The following RAP2C variants were observed in gnomAD, a reference collection of about 807,000 sequenced individuals.
RAP2C encodes RAP2C, member of RAS oncogene family.
In RAP2C, 3 loss-of-function variants were observed where a neutral mutation model predicts 8.9. The ratio of observed to expected loss-of-function variants is 0.34; its 90% CI spans 0.15 to 0.87. The LOEUF is 0.87. Among genes scored for constraint, RAP2C ranks in the 40% least tolerant of loss-of-function variants. The pLI, the probability that RAP2C is intolerant of heterozygous loss-of-function variation, is 0.51. For synonymous variants in RAP2C, 60 were observed against 52.1 expected (o/e 1.15, Z -0.65); for missense variants, 76 against 133.7 (o/e 0.57, Z 2.13).
rs1222444051 is a variant in RAP2C, at chrX:132,205,392, G to T, written c.*230C>A. On this transcript the variant is annotated 3_prime_UTR_variant, in exon 6 of 6. Transcript: ENST00000370874. ...TAAAAGGACTGATTGATAAAGAATGGATTTTAAACGTATGGTAAACGTGCT... is the reference window on the plus strand; with the variant it reads ...TAAAAGGACTGATTGATAAAGAATGTATTTTAAACGTATGGTAAACGTGCT... 8.9e-6 allele frequency: 1 copy of T among 112,154 alleles called. No homozygotes were observed. The allele number at this position is 112,154 out of a possible 1,213,427, so 9.2% of individuals were successfully genotyped here.
Position 132,207,788 on chromosome X carries a change from C to G in RAP2C, c.*35-2201G>C, listed in dbSNP as rs183733745. Among the ~76,000 whole-genome samples the G allele has an allele frequency of 1.5e-3, 167 of 111,394 alleles. 2 individuals are homozygous for G. The Middle Eastern group carries it at 0.037, about 25-fold the overall frequency. Reference sequence around the variant, plus strand: ...AAGGTTTAAAAGCAGCTGGTCAAATCAGTACTTTTTAACTTGCAGGATATC... The same window carrying G: ...AAGGTTTAAAAGCAGCTGGTCAAATGAGTACTTTTTAACTTGCAGGATATC... On this transcript the variant is annotated intron_variant, in intron 5 of 5. Transcript: ENST00000370874.
At chrX:132,206,905 T>C (rs1930290697) in intron 5 of RAP2C, among the ~76,000 whole-genome samples, 1 of 111,988 alleles carries the variant, frequency 8.9e-6, no homozygotes. Context: ...TATTTAAGCT[T>C]TGGCAAGTCC....
In RAP2C at chrX:132,203,872, T is replaced by C. The variant is rs759534666; in HGVS notation, c.*1750A>G. 1.8e-5 allele frequency: 2 copies of C among 112,290 alleles called. No homozygotes were observed. Among genetic ancestry groups the C allele is most frequent in the East Asian group, 5.6e-4 (2 of 3,577 alleles). 9.3% of individuals were successfully genotyped at this position (112,290 alleles called of 1,213,427 possible). A position where few individuals can be genotyped will look rare whatever the true frequency, so the allele number is the denominator to read the frequency against. ...GAACAAGAGTTCACTTTGAGGGAAT[T>C]TGCTCAGGAATCAAATGCAACACGA... On this transcript the variant is annotated 3_prime_UTR_variant, in exon 6 of 6. Coordinates refer to ENST00000370874, the MANE Select transcript of RAP2C (RefSeq NM_001271186.2).
Position 132,204,865 on chromosome X carries a change from T to C in RAP2C, c.*757A>G, listed in dbSNP as rs1402436454. 9.0e-6 allele frequency: 1 copy of C among 110,615 alleles called. No individual in the cohort carries two copies. Among genetic ancestry groups the C allele is most frequent in the Non-Finnish European group, 1.9e-5 (1 of 52,794 alleles). The allele number at this position is 110,615 out of a possible 1,213,427, so 9.1% of individuals were successfully genotyped here. A position where few individuals can be genotyped will look rare whatever the true frequency, so the allele number is the denominator to read the frequency against. On this transcript the variant is annotated 3_prime_UTR_variant, in exon 6 of 6. Coordinates refer to ENST00000370874, the MANE Select transcript of RAP2C (RefSeq NM_001271186.2). ...AAATGTTACTGCCGCAATTCAATGC[T>C]GTAAATGAGATTAACACATGTGAAA...
intron 3 of RAP2C, 36 bp downstream of exon 3, chrX:132,217,880 C>T (rs996503149): frequency 3.6e-5 from 4 of 111,897 alleles, no homozygotes; most frequent in Admixed American, 1.9e-4. Context: ...CGCCGCCTCC[C>T]CCAACTCCCA....
At chrX:132,218,941 C>T (rs914341742) in intron 1 of RAP2C, 2 of 112,640 alleles carry the variant, frequency 1.8e-5, no homozygotes, top group African/African-American at 6.5e-5. Flanking sequence ...CTGGCTCTTA[C>T]ATGCTGAAGT....
At position 132,203,918 on chromosome X, in the gene RAP2C, G is replaced by A. The variant is rs755711088; in HGVS notation, c.*1704C>T. The A allele has an allele frequency of 1.8e-5, 2 of 112,115 alleles. No individual in the cohort carries two copies. Among genetic ancestry groups the A allele is most frequent in the Non-Finnish European group, 3.8e-5 (2 of 53,110 alleles). The allele number at this position is 112,115 out of a possible 1,213,427, so 9.2% of individuals were successfully genotyped here. On this transcript the variant is annotated 3_prime_UTR_variant, in exon 6 of 6. Transcript: ENST00000370874. ...CACGATTTAAAAAAAGGAAATCAAA[G>A]TTTAGTCAATTTCTACTCAGTAATT...
intron 4 of RAP2C, among the ~76,000 whole-genome samples, chrX:132,214,832 T>C (rs1208788774): frequency 8.9e-6 from 1 of 111,801 alleles, no homozygotes; most frequent in Non-Finnish European, 1.9e-5. Flanking sequence ...TAACACCTGT[T>C]ATCCTAGCAC....
At chrX:132,208,401 G>C (rs1299211036) in intron 5 of RAP2C, among the ~76,000 whole-genome samples, 1 of 110,001 alleles carries the variant, frequency 9.1e-6, no homozygotes, top group African/African-American at 3.3e-5. Context: ...TGATATTCTT[G>C]GGATTTAACC....
In RAP2C at chrX:132,203,386, C is replaced by T. The variant is rs189132049; in HGVS notation, c.*2236G>A. On this transcript the variant is annotated 3_prime_UTR_variant, in exon 6 of 6. Transcript: ENST00000370874. ...AGGAAGCTAAAATAACTTTTGGTCCCTTTTCTTAAAATGTGCTGGAGAAAC... is the reference window on the plus strand; with the variant it reads ...AGGAAGCTAAAATAACTTTTGGTCCTTTTTCTTAAAATGTGCTGGAGAAAC... The T allele has an allele frequency of 4.6e-3, 510 of 110,846 alleles. 2 individuals are homozygous for T. The highest frequency in any genetic ancestry group is 0.023 in the Middle Eastern group (5 of 213). 9.1% of individuals were successfully genotyped at this position (110,846 alleles called of 1,213,427 possible). A position where few individuals can be genotyped will look rare whatever the true frequency, so the allele number is the denominator to read the frequency against.
chrX:132,214,482 A>G (rs41310444), intron 4 of RAP2C, 36 bp from the exon 5 acceptor site: 80,076 of 1,170,107 alleles, frequency 0.068, 2,116 homozygotes, highest in Middle Eastern at 0.097. Context: ...GAAAAACATT[A>G]TGCTGTTTGT....
At chrX:132,218,368 C>T (rs1451690465) in intron 1 of RAP2C, 27 bp from the exon 2 acceptor site, 1 of 107,969 alleles carries the variant, frequency 9.3e-6, no homozygotes, top group Admixed American at 9.8e-5. Flanking sequence ...TACCCGCCCG[C>T]GGCTGCCGCG....
intron 5 of RAP2C, among the ~76,000 whole-genome samples, chrX:132,206,125 G>A (rs1930267817): frequency 9.1e-6 from 1 of 110,409 alleles, no homozygotes; most frequent in Non-Finnish European, 1.9e-5. Context: ...CAGCACTCTA[G>A]GAGGCCAAGG....
chrX:132,208,298 C>T (rs1403297086), intron 5 of RAP2C, among the ~76,000 whole-genome samples: 5 of 111,398 alleles, frequency 4.5e-5, no homozygotes, highest in African/African-American at 1.6e-4. Context: ...TATCTAAATA[C>T]AATGGTATTT....
chrX:132,204,980 C>CAAAAAAAAAAA lies in RAP2C; in HGVS notation c.*631_*641dup, dbSNP rs58119368. 4 of 51,669 alleles carry CAAAAAAAAAAA rather than the reference C, an allele frequency of 7.7e-5. No homozygotes were observed. The highest frequency in any genetic ancestry group is 2.1e-4 in the African/African-American group (3 of 14,143). The allele number at this position is 51,669 out of a possible 1,213,427, so 4.3% of individuals were successfully genotyped here. On this transcript the variant is annotated 3_prime_UTR_variant, in exon 6 of 6. Coordinates refer to ENST00000370874, the MANE Select transcript of RAP2C (RefSeq NM_001271186.2). ...TGTAACCTTCAGAACATGTTAATTACAAAAAAAAAAAAAAAAAAACAAAAC... is the reference window on the plus strand; with the variant it reads ...TGTAACCTTCAGAACATGTTAATTACAAAAAAAAAAAAAAAAAAAAAAAAAAAAAACAAAAC...
At chrX:132,206,673 CACTTCT>C (rs1217070204) in intron 5 of RAP2C, among the ~76,000 whole-genome samples, 1 of 112,075 alleles carries the variant, frequency 8.9e-6, no homozygotes. Flanking sequence ...TTGACAGCTA[CACTTCT>C]ATTAGTGCTC....
Position 132,205,604 on chromosome X carries a change from CAT to C in RAP2C, c.*35-19_*35-18del, listed in dbSNP as rs1930251246. ...GAGTTTTATCTGCAATTAAGATAAA[CAT>C]GTCATAAAAATGTAGAAATACATAG... On this transcript the variant is annotated intron_variant, in intron 5 of 5. Transcript: ENST00000370874. 1 of 111,616 alleles carries C rather than the reference CAT, an allele frequency of 9.0e-6. No individual in the cohort carries two copies. The highest frequency in any genetic ancestry group is 3.3e-5 in the African/African-American group (1 of 30,637). 9.2% of individuals were successfully genotyped at this position (111,616 alleles called of 1,213,427 possible). A position where few individuals can be genotyped will look rare whatever the true frequency, so the allele number is the denominator to read the frequency against.
chrX:132,206,502 G>T (rs1930281354), intron 5 of RAP2C, among the ~76,000 whole-genome samples: 1 of 112,260 alleles, frequency 8.9e-6, no homozygotes, highest in Admixed American at 9.4e-5. Flanking sequence ...GCTTCTAGGG[G>T]AATAGAGTTA....
intron 4 of RAP2C, among the ~76,000 whole-genome samples, chrX:132,215,211 C>T (rs925013464): frequency 1.0e-4 from 11 of 109,935 alleles, no homozygotes; most frequent in African/African-American, 3.0e-4. Context: ...AAGATAAGAG[C>T]GTTAGCAATT....
Sources: gnomAD v4.1 joint callset for allele counts (sites outside exome capture counted in the v4.1 genomes callset) on GRCh38, gnomAD v4.1.1 for gene constraint, MANE v1.5 for transcripts, NCBI Gene and HGNC (gene_info 2026-07-23, HGNC 2026-07-21) for gene names.